Variants in TMEM117 observed in about 807,000 individuals in gnomAD.
The protein encoded by TMEM117 is transmembrane protein 117.
A neutral mutation model predicts 52.4 loss-of-function variants in TMEM117; 27 were observed. The observed-to-expected ratio is 0.51, with a 90% confidence interval of 0.38 to 0.71. The LOEUF (loss-of-function observed/expected upper bound fraction) is 0.71, where lower values mean the gene tolerates loss of function less well. Ranked by LOEUF, TMEM117 falls within the 30% of genes least tolerant of loss-of-function variation. The pLI is 0.00. For synonymous variants in TMEM117, 215 were observed against 206.3 expected, an observed-to-expected ratio of 1.04 and a Z score of -0.36; for missense variants, 556 against 630.5, an observed-to-expected ratio of 0.88 and a Z score of 1.26.
intron 3 of TMEM117, among the ~76,000 whole-genome samples, chr12:44,127,281 G>A (rs1204050897): frequency 1.3e-5 from 2 of 152,256 alleles, no homozygotes; most frequent in Non-Finnish European, 2.9e-5. Context: ...ATAGTTTTAT[G>A]TATCAATTTG....
At chr12:44,098,303 G>A (rs890766911) in intron 3 of TMEM117, among the ~76,000 whole-genome samples, 3 of 152,016 alleles carry the variant, frequency 2.0e-5, no homozygotes, top group South Asian at 2.1e-4. Context: ...AGCATTGTCC[G>A]GGAGAGAGGC....
In TMEM117 at chr12:44,171,960, C is replaced by T. The variant is rs1243869253; in HGVS notation, c.510+28336C>T. Among the ~76,000 whole-genome samples the T allele has an allele frequency of 3.3e-5, 5 of 152,214 alleles. No individual in the cohort carries two copies. The East Asian group carries it at 9.7e-4, about 29-fold the overall frequency. ...GACGGTGAAGGCATTTGCCTTAGCT[C>T]AAGGGAGCTAACATCCCTGAGGAAC... On this transcript the variant is annotated intron_variant, in intron 4 of 7. Transcript: ENST00000266534.
chr12:43,994,084 TAA>T (rs1401561428), intron 3 of TMEM117, among the ~76,000 whole-genome samples: 2 of 152,192 alleles, frequency 1.3e-5, no homozygotes, highest in African/African-American at 4.8e-5. Context: ...TTAATCCTGC[TAA>T]GTCAGGGACC....
intron 3 of TMEM117, among the ~76,000 whole-genome samples, chr12:44,011,200 C>T (rs982681473): frequency 1.3e-5 from 2 of 152,056 alleles, no homozygotes; most frequent in African/African-American, 4.8e-5. Context: ...TCTCTCAACC[C>T]TTTATTACAA....
At chr12:44,278,823 T>C (rs760353069) in intron 5 of TMEM117, among the ~76,000 whole-genome samples, 2 of 152,222 alleles carry the variant, frequency 1.3e-5, no homozygotes, top group Non-Finnish European at 2.9e-5. Flanking sequence ...TCTAGGCAGA[T>C]GTATCCACTT....
intron 2 of TMEM117, among the ~76,000 whole-genome samples, chr12:43,847,014 A>G (rs1169485588): frequency 6.6e-6 from 1 of 152,166 alleles, no homozygotes; most frequent in Non-Finnish European, 1.5e-5. Context: ...TAGTTTCTAG[A>G]CATTTGGTGA....
intron 2 of TMEM117, among the ~76,000 whole-genome samples, chr12:43,869,358 A>G (rs1943665189): frequency 6.6e-6 from 1 of 152,190 alleles, no homozygotes; most frequent in Non-Finnish European, 1.5e-5. Flanking sequence ...ATGATGTGCC[A>G]GCTACTGTTC....
intron 6 of TMEM117, among the ~76,000 whole-genome samples, chr12:44,331,517 C>T (rs928844355): frequency 3.3e-5 from 5 of 151,944 alleles, no homozygotes; most frequent in Non-Finnish European, 7.4e-5. Flanking sequence ...AGTTAAAGAG[C>T]TTTCAAGTGA....
At chr12:43,817,085 T>A in the TMEM117 span, among the ~76,000 whole-genome samples, 1 of 152,334 alleles carries the variant, frequency 6.6e-6, no homozygotes, top group South Asian at 2.1e-4. Context: ...ATCTAAATAC[T>A]GGTTTTAATA....
intron 5 of TMEM117, among the ~76,000 whole-genome samples, chr12:44,225,552 C>T (rs1001722024): frequency 1.3e-5 from 2 of 152,052 alleles, no homozygotes; most frequent in African/African-American, 2.4e-5. Flanking sequence ...AATCTGAATT[C>T]TAATTTCACA....
At chr12:43,805,770 G>T in the TMEM117 span, 1 of 1,345,466 alleles carries the variant, frequency 7.4e-7, no homozygotes, top group East Asian at 4.5e-5. Context: ...TTCTGGCATG[G>T]TTCTTTTTGT....
intron 4 of TMEM117, among the ~76,000 whole-genome samples, chr12:44,208,100 C>T (rs2138388730): frequency 6.6e-6 from 1 of 151,212 alleles, no homozygotes; most frequent in East Asian, 1.9e-4. Context: ...ATCATATAGG[C>T]TCACCTCAAA....
intron 5 of TMEM117, among the ~76,000 whole-genome samples, chr12:44,253,665 C>T (rs1413425978): frequency 6.6e-6 from 1 of 152,114 alleles, no homozygotes; most frequent in African/African-American, 2.4e-5. Flanking sequence ...ATGCCATTTT[C>T]ACATCATAGT....
At chr12:44,348,555 C>T (rs1418892941) in intron 6 of TMEM117, among the ~76,000 whole-genome samples, 2 of 151,956 alleles carry the variant, frequency 1.3e-5, no homozygotes, top group Non-Finnish European at 1.5e-5. Flanking sequence ...AATTTGCTAT[C>T]TCAGAACTGT....
At chr12:43,973,164 GA>G in intron 3 of TMEM117, among the ~76,000 whole-genome samples, 1 of 152,006 alleles carries the variant, frequency 6.6e-6, no homozygotes, top group Admixed American at 6.6e-5. Context: ...GTTTTTTTCT[GA>G]AAACAGGTTT....
At chr12:44,298,863 C>G (rs1332101107) in intron 5 of TMEM117, among the ~76,000 whole-genome samples, 2 of 150,602 alleles carry the variant, frequency 1.3e-5, no homozygotes, top group African/African-American at 5.0e-5. Context: ...TGAGTCTGGT[C>G]TAACTATCCC....
At chr12:43,869,743 T>A (rs777076366) in intron 2 of TMEM117, among the ~76,000 whole-genome samples, 184 of 152,370 alleles carry the variant, frequency 1.2e-3, no homozygotes, top group Non-Finnish European at 1.7e-3. Context: ...ACATTTTTTT[T>A]AAAATTTGTT....
chr12:44,295,602 A>G (rs533071067), intron 5 of TMEM117, among the ~76,000 whole-genome samples: 4 of 150,304 alleles, frequency 2.7e-5, no homozygotes, highest in Admixed American at 6.6e-5. Context: ...TTTCTTCTCC[A>G]TGATTAAATA....
intron 4 of TMEM117, among the ~76,000 whole-genome samples, chr12:44,206,599 T>C (rs529672321): frequency 6.6e-6 from 1 of 152,300 alleles, no homozygotes; most frequent in East Asian, 1.9e-4. Context: ...AAAGAAAATG[T>C]AATACATAAA....
Sources: gnomAD v4.1 joint callset for allele counts (sites outside exome capture counted in the v4.1 genomes callset) on GRCh38, gnomAD v4.1.1 for gene constraint, MANE v1.5 for transcripts, NCBI Gene and HGNC (gene_info 2026-07-23, HGNC 2026-07-21) for gene names.